The following VSTM4 variants were observed in gnomAD, a reference collection of about 807,000 sequenced individuals.
The protein encoded by VSTM4 is V-set and transmembrane domain containing 4.
In VSTM4, 20 loss-of-function variants were observed where a neutral mutation model predicts 36.4. The ratio of observed to expected loss-of-function variants is 0.55; its 90% confidence interval spans 0.39 to 0.80. VSTM4 has a LOEUF of 0.80. VSTM4 is among the 30% of genes least tolerant of loss of function. The pLI is 0.00. For missense variants in VSTM4, 392 were observed against 404.5 expected, an observed-to-expected ratio of 0.97 and a Z score of 0.26; for synonymous variants, 182 against 173.9, an observed-to-expected ratio of 1.05 and a Z score of -0.37.
chr10:49,107,912 G>C lies in VSTM4; in HGVS notation c.139C>G (p.His47Asp). ...LEGENATLLC[H>D]VSQKRRKDSL... Reference sequence around the variant, plus strand: ...TCCTTCCGCCTTTTCTGGGAGACGTGGCAGAGGAGAGTGGCATTCTCCCCC... The same window carrying C: ...TCCTTCCGCCTTTTCTGGGAGACGTCGCAGAGGAGAGTGGCATTCTCCCCC... Residue 47 changes from histidine to aspartate, a missense_variant, in exon 2 of 8, where the codon CAC becomes GAC. Physicochemically the swap from His to Asp is moderately conservative, Grantham distance 81 (BLOSUM62 -1). Coordinates refer to ENST00000332853, the MANE Select transcript of VSTM4 (RefSeq NM_001031746.5). 6.2e-7 allele frequency: 1 copy of C among 1,613,918 alleles called. No homozygotes were observed. The highest frequency in any genetic ancestry group is 8.5e-7 in the Non-Finnish European group (1 of 1,179,910).
intron 5 of VSTM4, among the ~76,000 whole-genome samples, chr10:49,059,929 C>A (rs556804847): frequency 2.6e-5 from 4 of 152,160 alleles, no homozygotes; most frequent in Non-Finnish European, 4.4e-5. Flanking sequence ...ATAAATGTAC[C>A]TTTTCTAGGC....
chr10:49,025,350 A>T (rs1843244077), intron 7 of VSTM4, among the ~76,000 whole-genome samples: 2 of 152,104 alleles, frequency 1.3e-5, no homozygotes, highest in Admixed American at 1.3e-4. Context: ...AATATACGAG[A>T]TTAAGGCATT....
intron 7 of VSTM4, among the ~76,000 whole-genome samples, chr10:49,029,947 G>C (rs1183784918): frequency 6.6e-6 from 1 of 152,148 alleles, no homozygotes; most frequent in Non-Finnish European, 1.5e-5. Context: ...AATCTCACTG[G>C]AACACCTCCA....
At chr10:49,093,809 A>G (rs1002902013) in intron 2 of VSTM4, among the ~76,000 whole-genome samples, 19 of 139,078 alleles carry the variant, frequency 1.4e-4, no homozygotes, top group African/African-American at 4.9e-4. Flanking sequence ...GTGCAGTGGC[A>G]AGATCTAGGT....
At chr10:49,082,421 T>C (rs1420682526) in intron 3 of VSTM4, among the ~76,000 whole-genome samples, 2 of 152,202 alleles carry the variant, frequency 1.3e-5, no homozygotes, top group Non-Finnish European at 2.9e-5. Context: ...CCTAACACTG[T>C]GGGAGGCCGA....
Position 49,115,432 on chromosome 10 carries a change from C to T in VSTM4, c.54G>A (p.Pro18=), listed in dbSNP as rs1315466754. The T allele has an allele frequency of 2.9e-6, 3 of 1,042,768 alleles. No homozygotes were observed. Among genetic ancestry groups the T allele is most frequent in the South Asian group, 3.2e-5 (1 of 30,890 alleles). 64.6% of individuals were successfully genotyped at this position (1,042,768 alleles called of 1,614,324 possible). A position where few individuals can be genotyped will look rare whatever the true frequency, so the allele number is the denominator to read the frequency against. ...CCCGCCTGGCCCCGCCGCGCTTACC[C>T]GGAGCCGGAGCCCGCGCCAGCAGCG... is the stretch of plus-strand genomic sequence containing the variant. The part of the protein sequence containing the change: ...AAALLARAPA[P]EVCAALNVTV... Residue 18 remains proline (P), a splice_region_variant and synonymous_variant, in exon 1 of 8, where the codon CCG becomes CCA. Coordinates refer to ENST00000332853, the MANE Select transcript of VSTM4 (RefSeq NM_001031746.5).
chr10:49,066,258 A>G (rs1372100388), intron 4 of VSTM4, among the ~76,000 whole-genome samples: 1 of 152,226 alleles, frequency 6.6e-6, no homozygotes, highest in Non-Finnish European at 1.5e-5. Context: ...GACCTGTCCC[A>G]GATTGAAACG....
chr10:49,108,346 C>T (rs1308936905), intron 1 of VSTM4, among the ~76,000 whole-genome samples: 1 of 152,150 alleles, frequency 6.6e-6, no homozygotes, highest in African/African-American at 2.4e-5. Flanking sequence ...AATGTCTAGC[C>T]CACATCCAAC....
At chr10:49,029,251 T>G (rs1843309783) in intron 7 of VSTM4, among the ~76,000 whole-genome samples, 1 of 152,226 alleles carries the variant, frequency 6.6e-6, no homozygotes, top group Non-Finnish European at 1.5e-5. Context: ...GATTGGCAAA[T>G]TTATTTAAAT....
Position 49,019,398 on chromosome 10 carries a change from T to A in VSTM4, c.*252A>T, listed in dbSNP as rs944412249. The A allele has an allele frequency of 1.2e-5, 4 of 331,802 alleles. No individual in the cohort carries two copies. The highest frequency in any genetic ancestry group is 2.1e-5 in the Non-Finnish European group (4 of 190,542). The allele number at this position is 331,802 out of a possible 1,614,324, so 20.6% of individuals were successfully genotyped here. A position where few individuals can be genotyped will look rare whatever the true frequency, so the allele number is the denominator to read the frequency against. On this transcript the variant is annotated 3_prime_UTR_variant, in exon 8 of 8. Transcript: ENST00000332853. Reference sequence around the variant, plus strand: ...AAAATCTCCTTGGCTGCTCTCAGGATCAGAATCCTTACGCTCAGGGCTCAA... The same window carrying A: ...AAAATCTCCTTGGCTGCTCTCAGGAACAGAATCCTTACGCTCAGGGCTCAA...
At chr10:49,056,934 T>C (rs1413150585) in intron 5 of VSTM4, among the ~76,000 whole-genome samples, 1 of 152,092 alleles carries the variant, frequency 6.6e-6, no homozygotes, top group Non-Finnish European at 1.5e-5. Flanking sequence ...TCTGGGCCTC[T>C]GGTGAGGGCC....
At chr10:49,051,681 C>T (rs1484819897) in intron 5 of VSTM4, among the ~76,000 whole-genome samples, 10 of 152,220 alleles carry the variant, frequency 6.6e-5, no homozygotes, top group Non-Finnish European at 1.5e-4. Flanking sequence ...CAGGCATGAG[C>T]CACTGCTCCC....
At chr10:49,044,690 A>G (rs1843577437) in intron 7 of VSTM4, among the ~76,000 whole-genome samples, 1 of 152,220 alleles carries the variant, frequency 6.6e-6, no homozygotes, top group African/African-American at 2.4e-5. Context: ...CTTTAAACAG[A>G]ATAGAAGTTC....
intron 5 of VSTM4, among the ~76,000 whole-genome samples, chr10:49,060,418 C>T (rs576889972): frequency 6.6e-6 from 1 of 152,288 alleles, no homozygotes; most frequent in African/African-American, 2.4e-5. Context: ...AGTGATATCA[C>T]CTGTGGTTTT....
chr10:49,078,429 G>A (rs1844218086), intron 3 of VSTM4, among the ~76,000 whole-genome samples: 1 of 151,932 alleles, frequency 6.6e-6, no homozygotes, highest in Admixed American at 6.6e-5. Flanking sequence ...AACAAAGTGT[G>A]GTACATCCAC....
At chr10:49,057,484 G>A (rs559656401) in intron 5 of VSTM4, among the ~76,000 whole-genome samples, 23 of 152,340 alleles carry the variant, frequency 1.5e-4, no homozygotes, top group African/African-American at 5.5e-4. Flanking sequence ...CAGAAAGGCT[G>A]AGTAAGTGGC....
At chr10:49,024,106 C>A (rs182512788) in intron 7 of VSTM4, among the ~76,000 whole-genome samples, 1 of 152,160 alleles carries the variant, frequency 6.6e-6, no homozygotes, top group Admixed American at 6.5e-5. Context: ...TCCTCTCTCC[C>A]AGGGCTGTTT....
intron 3 of VSTM4, among the ~76,000 whole-genome samples, chr10:49,080,192 G>T (rs937267696): frequency 6.6e-6 from 1 of 152,230 alleles, no homozygotes; most frequent in Non-Finnish European, 1.5e-5. Context: ...AACAGGAAAA[G>T]AACATTTGTA....
chr10:49,055,529 G>C (rs1843764983), intron 5 of VSTM4, among the ~76,000 whole-genome samples: 1 of 152,180 alleles, frequency 6.6e-6, no homozygotes, highest in African/African-American at 2.4e-5. Context: ...ATGAATAATA[G>C]TAACAACTGT....
Sources: gnomAD v4.1 joint callset for allele counts (sites outside exome capture counted in the v4.1 genomes callset) on GRCh38, gnomAD v4.1.1 for gene constraint, MANE v1.5 for transcripts, NCBI Gene and HGNC (gene_info 2026-07-23, HGNC 2026-07-21) for gene names.